CARD19: variants seen among roughly 807,000 people sequenced by gnomAD.
The protein encoded by CARD19 is caspase recruitment domain-containing protein 19.
CARD19 carries 25 observed loss-of-function variants against 24.1 expected under a neutral mutation model. The ratio of observed to expected loss-of-function variants is 1.04; its 90% confidence interval spans 0.76 to 1.45. The LOEUF is 1.45. Ranked by LOEUF, CARD19 falls within the 40% of genes most tolerant of loss-of-function variation. The pLI is 0.00. For synonymous variants in CARD19, 103 were observed against 104.9 expected (o/e 0.98, Z 0.11); for missense variants, 241 against 247.4 (o/e 0.97, Z 0.17).
At chr9:93,102,122 C>A (rs148449907) in intron 1 of CARD19, among the ~76,000 whole-genome samples, 7 of 151,896 alleles carry the variant, frequency 4.6e-5, no homozygotes, top group Non-Finnish European at 1.0e-4. Flanking sequence ...CCACCATGCC[C>A]GACTAATTTT....
chr9:93,098,756 G>A (rs1436312226), intron 1 of CARD19, among the ~76,000 whole-genome samples: 1 of 152,190 alleles, frequency 6.6e-6, no homozygotes, highest in Non-Finnish European at 1.5e-5. Flanking sequence ...GCTGACTCAC[G>A]GCTCATGGTG....
chr9:93,098,270 C>T (rs76940577), intron 1 of CARD19, among the ~76,000 whole-genome samples: 3,729 of 152,312 alleles, frequency 0.024, 78 homozygotes, highest in Non-Finnish European at 0.041. Flanking sequence ...GCCTTTTGCA[C>T]GTAGAACAGC....
At chr9:93,112,072 C>T in intron 4 of CARD19, 134 bp downstream of exon 4, 1 of 1,260,680 alleles carries the variant, frequency 7.9e-7, no homozygotes, top group Non-Finnish European at 1.0e-6. Context: ...CTGTTGGTGA[C>T]AGACCCCCCC....
chr9:93,111,971 C>T (rs2130733485), intron 4 of CARD19, 33 bp downstream of exon 4: 2 of 1,587,308 alleles, frequency 1.3e-6, no homozygotes, highest in South Asian at 2.3e-5. Flanking sequence ...CCCTCTCTCT[C>T]CCTCTCTCTC....
chr9:93,107,258 T>C (rs987649317), intron 1 of CARD19, among the ~76,000 whole-genome samples: 8 of 152,196 alleles, frequency 5.3e-5, no homozygotes, highest in Admixed American at 2.0e-4. Context: ...ATTACGGGTG[T>C]GAGCCATCAC....
chr9:93,111,322 G>A (rs562105442), intron 3 of CARD19: 1 of 1,129,832 alleles, frequency 8.9e-7, no homozygotes, highest in South Asian at 2.0e-5. Flanking sequence ...GCTGGGATGT[G>A]GGGGGCATAT....
At chr9:93,097,907 G>C (rs1383333490) in intron 1 of CARD19, among the ~76,000 whole-genome samples, 1 of 152,212 alleles carries the variant, frequency 6.6e-6, no homozygotes, top group Non-Finnish European at 1.5e-5. Flanking sequence ...TTAGTTTTTG[G>C]GATGGGGAAC....
intron 1 of CARD19, among the ~76,000 whole-genome samples, chr9:93,097,998 C>T (rs985044303): frequency 4.6e-5 from 7 of 152,280 alleles, no homozygotes; most frequent in Middle Eastern, 3.2e-3. Context: ...AGGCTCACTG[C>T]CTCCATGCAC....
At chr9:93,110,074 A>G (rs1827402186) in intron 2 of CARD19, 1 of 160,898 alleles carries the variant, frequency 6.2e-6, no homozygotes, top group Non-Finnish European at 1.4e-5. Context: ...GCTCACTGCA[A>G]GCTCCGCCTC....
At chr9:93,100,083 C>T (rs147895628) in intron 1 of CARD19, among the ~76,000 whole-genome samples, 14 of 152,266 alleles carry the variant, frequency 9.2e-5, no homozygotes, top group African/African-American at 1.2e-4. Flanking sequence ...CGTACTGAGA[C>T]GGGCTGTTCT....
chr9:93,104,104 G>A (rs1406719251), intron 1 of CARD19, among the ~76,000 whole-genome samples: 4 of 152,086 alleles, frequency 2.6e-5, no homozygotes, highest in African/African-American at 7.2e-5. Context: ...TATTAATGTG[G>A]TATATTTCAT....
chr9:93,101,998 G>A (rs1415221470), intron 1 of CARD19, among the ~76,000 whole-genome samples: 3 of 141,698 alleles, frequency 2.1e-5, no homozygotes, highest in Admixed American at 7.4e-5. Context: ...GTCTCGCTCT[G>A]TTTCCCAGAC....
chr9:93,105,522 CTG>C (rs1827222930), intron 1 of CARD19, among the ~76,000 whole-genome samples: 1 of 152,192 alleles, frequency 6.6e-6, no homozygotes, highest in Admixed American at 6.5e-5. Flanking sequence ...CTCAAGTGAT[CTG>C]CCTGCCTTAG....
Position 93,110,561 on chromosome 9 carries a change from C to T in CARD19, c.151-7C>T. ...TGATCTTCCCTGGCACCCCCTTGTA[C>T]CCTCAGTTCCGGAACCCCAAGGCAT... On this transcript the variant is annotated splice_polypyrimidine_tract_variant and splice_region_variant and intron_variant, in intron 2 of 5. Coordinates refer to ENST00000375464, the MANE Select transcript of CARD19 (RefSeq NM_032310.5). 1.3e-6 allele frequency: 2 copies of T among 1,589,468 alleles called. No individual in the cohort carries two copies. The highest frequency in any genetic ancestry group is 3.4e-5 in the Admixed American group (2 of 59,042).
At chr9:93,110,875 C>A in intron 3 of CARD19, 154 bp downstream of exon 3, 1 of 1,533,108 alleles carries the variant, frequency 6.5e-7, no homozygotes, top group Non-Finnish European at 8.7e-7. Context: ...CCCCAGAGGC[C>A]ACCCTCTGGC....
intron 1 of CARD19, among the ~76,000 whole-genome samples, chr9:93,103,201 G>A (rs1330862258): frequency 6.6e-6 from 1 of 152,080 alleles, no homozygotes; most frequent in East Asian, 1.9e-4. Context: ...TCTTTATCTT[G>A]TTCCTGATCT....
chr9:93,111,770 G>A (rs1032789018), intron 3 of CARD19, 109 bp from the exon 4 acceptor site: 145 of 1,520,906 alleles, frequency 9.5e-5, no homozygotes, highest in East Asian at 1.5e-4. Flanking sequence ...AGCCTGGTTC[G>A]GCCTGGCGGC....
intron 1 of CARD19, among the ~76,000 whole-genome samples, chr9:93,104,572 CCAG>C (rs1827187863): frequency 6.6e-6 from 1 of 152,024 alleles, no homozygotes; most frequent in Non-Finnish European, 1.5e-5. Flanking sequence ...GTAGAATTAA[CCAG>C]CAAAGCTATC....
Sources: gnomAD v4.1 joint callset for allele counts (sites outside exome capture counted in the v4.1 genomes callset) on GRCh38, gnomAD v4.1.1 for gene constraint, MANE v1.5 for transcripts, NCBI Gene and HGNC (gene_info 2026-07-23, HGNC 2026-07-21) for gene names.